CACNA2D3: variants seen among roughly 807,000 people sequenced by gnomAD.
CACNA2D3 encodes voltage-dependent calcium channel subunit alpha-2/delta-3.
Under a neutral mutation model 160.6 loss-of-function variants are expected in CACNA2D3, and 60 were observed. The observed-to-expected ratio is 0.37, with a 90% CI of 0.30 to 0.46. The LOEUF is 0.46. CACNA2D3 is among the 20% of genes least tolerant of loss of function. CACNA2D3 has a pLI of 1.00. For missense variants in CACNA2D3, 1,205 were observed against 1,365.0 expected, an observed-to-expected ratio of 0.88 and a Z score of 1.85; for synonymous variants, 558 against 492.9, an observed-to-expected ratio of 1.13 and a Z score of -1.75.
At chr3:54,715,406 C>G (rs1701034282) in intron 11 of CACNA2D3, among the ~76,000 whole-genome samples, 1 of 152,162 alleles carries the variant, frequency 6.6e-6, no homozygotes. Flanking sequence ...TGTCTGAAAC[C>G]TCTCAGAACT....
chr3:54,340,568 G>A (rs961901470), intron 3 of CACNA2D3, among the ~76,000 whole-genome samples: 2 of 152,224 alleles, frequency 1.3e-5, no homozygotes, highest in African/African-American at 4.8e-5. Context: ...AAGGTTCATG[G>A]TGCTGTCCTG....
At position 54,493,653 on chromosome 3, in the gene CACNA2D3, G is replaced by A. The variant is rs369421307; in HGVS notation, c.382-9839G>A. On this transcript the variant is annotated intron_variant, in intron 4 of 37. Transcript: ENST00000474759. ...CCTCCAATTTTCAAGGCCCAGCCTC[G>A]TGCATCTTTGCTGAAAATCTCTTCC... Among the ~76,000 whole-genome samples, 74 of 152,210 alleles carry A rather than the reference G, an allele frequency of 4.9e-4. 1 individual carries two copies. Among genetic ancestry groups the A allele is most frequent in the East Asian group, 1.9e-3 (10 of 5,180 alleles).
At chr3:54,274,707 C>T (rs181705964) in intron 2 of CACNA2D3, among the ~76,000 whole-genome samples, 8 of 152,318 alleles carry the variant, frequency 5.3e-5, no homozygotes, top group Admixed American at 1.3e-4. Context: ...AAGGTGTCAG[C>T]GGACTGCAGT....
chr3:54,778,753 T>C, intron 13 of CACNA2D3, among the ~76,000 whole-genome samples: 1 of 152,056 alleles, frequency 6.6e-6, no homozygotes, highest in South Asian at 2.1e-4. Context: ...GATCCAAAGG[T>C]TGGAGGGCAT....
intron 11 of CACNA2D3, among the ~76,000 whole-genome samples, chr3:54,669,619 A>G (rs1487419311): frequency 1.3e-5 from 2 of 152,188 alleles, no homozygotes; most frequent in Non-Finnish European, 2.9e-5. Context: ...ATGTTTAGAG[A>G]TCAAAAATGT....
intron 5 of CACNA2D3, among the ~76,000 whole-genome samples, chr3:54,530,943 G>T (rs1379655754): frequency 6.6e-6 from 1 of 152,098 alleles, no homozygotes; most frequent in African/African-American, 2.4e-5. Context: ...GGCTCAGGTG[G>T]GCTGAACAGG....
intron 17 of CACNA2D3, among the ~76,000 whole-genome samples, chr3:54,868,065 C>T (rs1024698154): frequency 1.3e-5 from 2 of 152,110 alleles, no homozygotes; most frequent in African/African-American, 4.8e-5. Flanking sequence ...GAGTGCCACT[C>T]TCTGGCCTTT....
intron 12 of CACNA2D3, among the ~76,000 whole-genome samples, chr3:54,760,238 CT>C: frequency 6.6e-6 from 1 of 152,198 alleles, no homozygotes; most frequent in South Asian, 2.1e-4. Context: ...GGGAGGGCCT[CT>C]CTGATCTGAG....
At chr3:54,904,819 T>C (rs1700417388) in intron 27 of CACNA2D3, among the ~76,000 whole-genome samples, 1 of 152,212 alleles carries the variant, frequency 6.6e-6, no homozygotes, top group African/African-American at 2.4e-5. Context: ...ACTAAAACTC[T>C]AAGACAGATA....
Position 54,683,699 on chromosome 3 carries a change from C to G in CACNA2D3, c.1167+41458C>G, listed in dbSNP as rs1040578976. ...TCAATACTATGTTTCTCAGGGATGC[C>G]TTGTATCACAAACTAGATGGCCTAA... On this transcript the variant is annotated intron_variant, in intron 11 of 37. Coordinates refer to ENST00000474759, the MANE Select transcript of CACNA2D3 (RefSeq NM_018398.3). Among the ~76,000 whole-genome samples, 22 of 152,142 alleles carry G rather than the reference C, an allele frequency of 1.4e-4. 1 individual carries two copies. The highest frequency in any genetic ancestry group is 6.8e-3 in the Middle Eastern group (2 of 294).
intron 2 of CACNA2D3, among the ~76,000 whole-genome samples, chr3:54,250,716 AATAAAT>A (rs1702172260): frequency 6.6e-6 from 1 of 152,208 alleles, no homozygotes; most frequent in Admixed American, 6.5e-5. Context: ...GCTTACGTAA[AATAAAT>A]ATTTTTTAAA....
rs140104553 is a variant in CACNA2D3, at chr3:54,668,632, G to C, written c.1167+26391G>C. Reference sequence around the variant, plus strand: ...AATACATTCATCCATTCCTTCTGGTGTTACAAATGTAAATATCTTCACCAA... The same window carrying C: ...AATACATTCATCCATTCCTTCTGGTCTTACAAATGTAAATATCTTCACCAA... On this transcript the variant is annotated intron_variant, in intron 11 of 37. Transcript: ENST00000474759. Among the ~76,000 whole-genome samples, 155 of 152,260 alleles carry C rather than the reference G, an allele frequency of 1.0e-3. 1 individual carries two copies. The highest frequency in any genetic ancestry group is 3.6e-3 in the African/African-American group (150 of 41,546).
At chr3:54,490,044 TG>T (rs1259182183) in intron 4 of CACNA2D3, among the ~76,000 whole-genome samples, 2 of 152,228 alleles carry the variant, frequency 1.3e-5, no homozygotes, top group African/African-American at 4.8e-5. Flanking sequence ...CACCGGGAGC[TG>T]GGTGTTTGTT....
chr3:54,498,213 GTTGT>G (rs1213643842), intron 4 of CACNA2D3, among the ~76,000 whole-genome samples: 2 of 151,652 alleles, frequency 1.3e-5, no homozygotes, highest in African/African-American at 4.8e-5. Context: ...TGAACCTAGA[GTTGT>G]TTGTTTGTTT....
chr3:54,915,804 G>A (rs1030250386), intron 27 of CACNA2D3, among the ~76,000 whole-genome samples: 5 of 152,182 alleles, frequency 3.3e-5, no homozygotes, highest in Non-Finnish European at 7.3e-5. Flanking sequence ...TGTGGTGACT[G>A]TAGGCAAAAG....
chr3:54,654,403 A>C (rs762824516), intron 11 of CACNA2D3, among the ~76,000 whole-genome samples: 2 of 152,166 alleles, frequency 1.3e-5, no homozygotes, highest in African/African-American at 2.4e-5. Context: ...GGAATCAGGG[A>C]CAGGCATCTA....
rs191198962 is a variant in CACNA2D3, at chr3:54,349,750, C to T, written c.321+29192C>T. ...GATAGCAGGCCCATCTTGGCTTTCT[C>T]AGGGGATGTAGTGCGCATCTGTTCA... On this transcript the variant is annotated intron_variant, in intron 3 of 37. Coordinates refer to ENST00000474759, the MANE Select transcript of CACNA2D3 (RefSeq NM_018398.3). Among the ~76,000 whole-genome samples the T allele has an allele frequency of 9.2e-3, 1,408 of 152,292 alleles. 27 individuals carry two copies. Among genetic ancestry groups the T allele is most frequent in the African/African-American group, 0.032 (1,336 of 41,548 alleles).
intron 14 of CACNA2D3, among the ~76,000 whole-genome samples, chr3:54,822,960 T>C (rs1703674226): frequency 6.6e-6 from 1 of 151,714 alleles, no homozygotes; most frequent in Non-Finnish European, 1.5e-5. Flanking sequence ...GTTCAAGCGA[T>C]TCTCTTGCCT....
At chr3:54,571,048 A>G (rs1702488139) in intron 8 of CACNA2D3, among the ~76,000 whole-genome samples, 1 of 152,146 alleles carries the variant, frequency 6.6e-6, no homozygotes, top group African/African-American at 2.4e-5. Flanking sequence ...AGTCAAATAC[A>G]TTTAAGAAAT....
Sources: gnomAD v4.1 joint callset for allele counts (sites outside exome capture counted in the v4.1 genomes callset) on GRCh38, gnomAD v4.1.1 for gene constraint, MANE v1.5 for transcripts, NCBI Gene and HGNC (gene_info 2026-07-23, HGNC 2026-07-21) for gene names.